ANAPC1: variants seen among roughly 807,000 people sequenced by gnomAD.
The protein encoded by ANAPC1 is anaphase-promoting complex subunit 1.
ANAPC1 carries 36 observed loss-of-function variants against 208.0 expected under a neutral mutation model. The ratio of observed to expected loss-of-function variants is 0.17; its 90% CI spans 0.13 to 0.23. The LOEUF is 0.23. ANAPC1 is among the 10% of genes least tolerant of loss of function. The pLI, the probability that ANAPC1 is intolerant of heterozygous loss-of-function variation, is 1.00. For missense variants in ANAPC1, 942 were observed against 2,011.6 expected, an observed-to-expected ratio of 0.47 and a Z score of 10.17; for synonymous variants, 378 against 695.2, an observed-to-expected ratio of 0.54 and a Z score of 7.18.
At chr2:111,856,705 T>C in intron 12 of ANAPC1, 26 bp from the exon 13 acceptor site, 1 of 1,613,550 alleles carries the variant, frequency 6.2e-7, no homozygotes, top group Non-Finnish European at 8.5e-7. Flanking sequence ...AGACAAAAAA[T>C]TTATTTCCCA....
chr2:111,878,330 T>C (rs1167291406), intron 3 of ANAPC1, among the ~76,000 whole-genome samples: 3 of 152,262 alleles, frequency 2.0e-5, no homozygotes, highest in Non-Finnish European at 4.4e-5. Flanking sequence ...TGAAAAAATA[T>C]GGCAAATGCT....
rs556988866 is a variant in ANAPC1, at chr2:111,792,529, A to G, written c.4545T>C (p.Cys1515=). Residue 1515 remains cysteine (C), a synonymous_variant, in exon 38 of 48, where the codon TGT becomes TGC. Transcript: ENST00000341068. ...SVTGPHNLET[C]LSVVLLSLAM... The stretch of plus-strand genomic sequence containing the variant: ...CGAGAGACAGCAGCACCACGCTCAG[A>G]CAAGTTTCTAGGTTATGAGGACCTG... 1 of 1,613,920 alleles carries G rather than the reference A, an allele frequency of 6.2e-7. No individual in the cohort carries two copies. Among genetic ancestry groups the G allele is most frequent in the South Asian group, 1.1e-5 (1 of 91,056 alleles).
intron 20 of ANAPC1, among the ~76,000 whole-genome samples, 158 bp downstream of exon 20, chr2:111,833,062 G>C (rs1257692337): frequency 6.6e-6 from 1 of 151,682 alleles, no homozygotes; most frequent in Non-Finnish European, 1.5e-5. Context: ...CTACGTGTCA[G>C]AAAACAAGCA....
rs767767639 is a variant in ANAPC1 at position 111,769,679 on chromosome 2, C to CTTTTTT, written c.5720-279_5720-274dup. 5.7e-3 allele frequency among the ~76,000 whole-genome samples: 472 copies of CTTTTTT among 83,212 alleles called. 32 individuals carry two copies. Among genetic ancestry groups the CTTTTTT allele is most frequent in the African/African-American group, 0.019 (414 of 21,488 alleles). The allele number at this position is 83,212 out of a possible 152,430, so 54.6% of individuals were successfully genotyped here. A position where few individuals can be genotyped will look rare whatever the true frequency, so the allele number is the denominator to read the frequency against. On this transcript the variant is annotated intron_variant, in intron 47 of 47. Transcript: ENST00000341068. ...TATCTGCATTACACCTACTGGCTTT[C>CTTTTTT]TTTTTTTTTTTTTTTTTTTGGAGAC...
At chr2:111,841,946 C>A (rs1480693157) in intron 17 of ANAPC1, among the ~76,000 whole-genome samples, 5 of 152,160 alleles carry the variant, frequency 3.3e-5, no homozygotes, top group Non-Finnish European at 7.3e-5. Context: ...GTGAAATGGG[C>A]GCTTTTAAAT....
chr2:111,794,273 C>A lies in ANAPC1; in HGVS notation c.4424G>T (p.Arg1475Leu), dbSNP rs1378828311. The A allele has an allele frequency of 6.2e-7, 1 of 1,613,114 alleles. No homozygotes were observed. The change falls in exon 36 of 48, where the codon CGA (arginine) becomes CTA (leucine). Residue 1475 changes from arginine (R) to leucine (L), a missense_variant. By Grantham distance (102) the Arg-to-Leu change is moderately radical. Transcript: ENST00000341068. ...IAGACLSLGF[R>L]FAGSENLSAF... ...TGATAAGTTTTCTGAGCCAGCAAATCGAAAACCCAGAGACAAGCAGGCTCC... is the reference window on the plus strand; with the variant it reads ...TGATAAGTTTTCTGAGCCAGCAAATAGAAAACCCAGAGACAAGCAGGCTCC...
rs201139467 is a variant in ANAPC1 at position 111,863,856 on chromosome 2, T to G, written c.871A>C (p.Thr291Pro). ...VVLKFSEQGG[T>P]PQNVATSSSL... ...CTGCTAGTGGCCACATTCTGTGGGG[T>G]TCCCCCCTGTTCAGAGAACTTTAAA... The change falls in exon 9 of 48, where the codon ACC becomes CCC. Residue 291 changes from threonine to proline, a missense_variant. Transcript: ENST00000341068. 1 of 1,613,360 alleles carries G rather than the reference T, an allele frequency of 6.2e-7. No homozygotes were observed. Among genetic ancestry groups the G allele is most frequent in the East Asian group, 2.2e-5 (1 of 44,880 alleles).
At chr2:111,790,554 G>C (rs1410270171) in intron 38 of ANAPC1, among the ~76,000 whole-genome samples, 1 of 152,048 alleles carries the variant, frequency 6.6e-6, no homozygotes, top group Non-Finnish European at 1.5e-5. Flanking sequence ...AAAACATGGA[G>C]AAAAATCCGT....
Position 111,850,874 on chromosome 2 carries a change from A to T in ANAPC1, c.1552T>A (p.Ser518Thr). The change falls in exon 14 of 48, where the codon TCT (serine) becomes ACT (threonine). Residue 518 changes from serine to threonine, a missense_variant. Ser to Thr is a moderately conservative substitution (Grantham distance 58). Transcript: ENST00000341068. Reference protein sequence around the residue: ...KVFIPGLPAPSLTMSNTMPRP... With the variant: ...KVFIPGLPAPTLTMSNTMPRP... ...GGCATTGTGTTGGACATCGTCAGAG[A>T]GGGAGCTGGCAGTCCAGGAATAAAA... is the stretch of plus-strand genomic sequence containing the variant. 1 of 1,609,268 alleles carries T rather than the reference A, an allele frequency of 6.2e-7. No individual in the cohort carries two copies. Among genetic ancestry groups the T allele is most frequent in the Non-Finnish European group, 8.5e-7 (1 of 1,179,250 alleles).
At chr2:111,850,983 G>A (rs1274278083) in intron 13 of ANAPC1, 73 bp from the exon 14 acceptor site, 3 of 1,498,000 alleles carry the variant, frequency 2.0e-6, no homozygotes, top group Non-Finnish European at 2.7e-6. Context: ...AAAATGTTAA[G>A]GAATATAAAC....
At chr2:111,864,703 T>C in intron 8 of ANAPC1, 103 bp downstream of exon 8, 1 of 1,570,388 alleles carries the variant, frequency 6.4e-7, no homozygotes, top group Non-Finnish European at 8.7e-7. Context: ...CCTCAAGTGA[T>C]CCGCCTGCCT....
intron 24 of ANAPC1, 31 bp downstream of exon 24, chr2:111,824,935 C>T (rs368266743): frequency 1.2e-6 from 2 of 1,612,986 alleles, no homozygotes; most frequent in African/African-American, 2.7e-5. Flanking sequence ...GGAAGCACGG[C>T]CTAGTTAGGA....
intron 38 of ANAPC1, among the ~76,000 whole-genome samples, chr2:111,791,044 A>T (rs991108991): frequency 6.6e-6 from 1 of 152,272 alleles, no homozygotes; most frequent in Non-Finnish European, 1.5e-5. Context: ...TTAAAAATTG[A>T]TAAGTTTTAT....
intron 39 of ANAPC1, among the ~76,000 whole-genome samples, chr2:111,785,959 C>A (rs1677523880): frequency 6.6e-6 from 1 of 152,100 alleles, no homozygotes; most frequent in African/African-American, 2.4e-5. Context: ...CATATACACA[C>A]GTCCTTGAAA....
At chr2:111,817,005 C>T (rs921159602) in intron 27 of ANAPC1, among the ~76,000 whole-genome samples, 1 of 90,800 alleles carries the variant, frequency 1.1e-5, no homozygotes, top group Non-Finnish European at 2.3e-5. Flanking sequence ...ATGCAAGAGA[C>T]ATAATATTTA....
intron 17 of ANAPC1, among the ~76,000 whole-genome samples, chr2:111,839,731 CT>C (rs1266873347): frequency 1.3e-5 from 2 of 152,164 alleles, no homozygotes; most frequent in African/African-American, 4.8e-5. Flanking sequence ...TAACCTAAAA[CT>C]TCAACCAAAA....
chr2:111,827,018 G>C (rs11691147), intron 21 of ANAPC1, among the ~76,000 whole-genome samples: 91,711 of 151,422 alleles, frequency 0.61, 28,162 homozygotes, highest in South Asian at 0.69. Context: ...AAGTAAATAC[G>C]AAAGTGTATG....
rs1245550244 is a variant in ANAPC1 at position 111,838,348 on chromosome 2, T to C, written c.2115+90A>G. 4 of 991,454 alleles carry C rather than the reference T, an allele frequency of 4.0e-6. No homozygotes were observed. In the African/African-American group the frequency reaches 5.0e-5, roughly 12 times the overall value. 61.4% of individuals were successfully genotyped at this position (991,454 alleles called of 1,614,324 possible). On this transcript the variant is annotated intron_variant, in intron 18 of 47. Transcript: ENST00000341068. ...AATAAAGTGAAAGGTGTTGGAAAGATAGAGGAATTGATAGGAATACCACAG... is the reference window on the plus strand; with the variant it reads ...AATAAAGTGAAAGGTGTTGGAAAGACAGAGGAATTGATAGGAATACCACAG...
At position 111,769,917 on chromosome 2, in the gene ANAPC1, C is replaced by T. The variant is rs574881810; in HGVS notation, c.5720-511G>A. 3.3e-5 allele frequency among the ~76,000 whole-genome samples: 5 copies of T among 151,460 alleles called. No homozygotes were observed. The East Asian group carries it at 9.7e-4, about 29-fold the overall frequency. ...CAGGATGGTCTCGATCTCCTGACCT[C>T]GTGATCCGCCCGCCTCGGCCTCCCA... On this transcript the variant is annotated intron_variant, in intron 47 of 47. Coordinates refer to ENST00000341068, the MANE Select transcript of ANAPC1 (RefSeq NM_022662.4).
Sources: allele counts gnomAD v4.1 joint callset (sites outside exome capture counted in the v4.1 genomes callset), GRCh38; gene constraint gnomAD v4.1.1; transcripts MANE v1.5; gene names NCBI Gene and HGNC (gene_info 2026-07-23, HGNC 2026-07-21).